The following STAP1 variants were observed in gnomAD, a reference collection of about 807,000 sequenced individuals.
The protein encoded by STAP1 is signal transducing adaptor family member 1, also known as signal-transducing adaptor protein 1.
In STAP1, 30 loss-of-function variants were observed where a neutral mutation model predicts 37.8. That is an observed-to-expected ratio of 0.79 (90% CI 0.59 to 1.08). STAP1 has a LOEUF of 1.08. STAP1 is among the 50% of genes least tolerant of loss of function. The pLI is 0.00. For synonymous variants in STAP1, 130 were observed against 116.0 expected (o/e 1.12, Z -0.78); for missense variants, 357 against 349.4 (o/e 1.02, Z -0.17).
chr4:67,594,955 T>C (rs932463245), intron 8 of STAP1, among the ~76,000 whole-genome samples: 9 of 152,152 alleles, frequency 5.9e-5, no homozygotes, highest in Non-Finnish European at 1.3e-4. Context: ...TGTGCATGTG[T>C]GTGATTGGGA....
intron 1 of STAP1, among the ~76,000 whole-genome samples, chr4:67,564,606 A>G (rs1727424176): frequency 6.6e-6 from 1 of 152,128 alleles, no homozygotes; most frequent in Admixed American, 6.5e-5. Context: ...CAGGAATCAT[A>G]CAATCCTGGA....
At chr4:67,602,449 T>C (rs1039456357) in intron 8 of STAP1, among the ~76,000 whole-genome samples, 1 of 152,190 alleles carries the variant, frequency 6.6e-6, no homozygotes, top group Non-Finnish European at 1.5e-5. Flanking sequence ...TAATCTAGTC[T>C]TCACAGTATG....
chr4:67,604,411 G>A (rs1728407694), intron 8 of STAP1, among the ~76,000 whole-genome samples: 1 of 152,168 alleles, frequency 6.6e-6, no homozygotes, highest in Non-Finnish European at 1.5e-5. Context: ...GTGTTCCTGT[G>A]GTGGTGGGGG....
rs756494060 is a variant in STAP1, at chr4:67,567,108, C to T, written c.121-3976C>T. On this transcript the variant is annotated intron_variant, in intron 1 of 8. Coordinates refer to ENST00000265404, the MANE Select transcript of STAP1 (RefSeq NM_012108.4). ...TATATAAAAAGAAGGAAAGAAAAGACTTTGGATGGGGTTGAAATTAAGATG... is the reference window on the plus strand; with the variant it reads ...TATATAAAAAGAAGGAAAGAAAAGATTTTGGATGGGGTTGAAATTAAGATG... 7.2e-5 allele frequency among the ~76,000 whole-genome samples: 11 copies of T among 152,188 alleles called. 1 individual carries two copies. The highest frequency in any genetic ancestry group is 3.9e-4 in the Admixed American group (6 of 15,300).
intron 1 of STAP1, among the ~76,000 whole-genome samples, chr4:67,568,736 A>G (rs2109856377): frequency 6.6e-6 from 1 of 152,318 alleles, no homozygotes; most frequent in African/African-American, 2.4e-5. Context: ...AATAATATAT[A>G]CTATTTACTG....
chr4:67,587,987 G>A (rs527898795), intron 6 of STAP1, among the ~76,000 whole-genome samples: 1 of 135,392 alleles, frequency 7.4e-6, no homozygotes, highest in East Asian at 2.3e-4. Context: ...GCCTCCCAAA[G>A]TGCTGGGATT....
intron 7 of STAP1, among the ~76,000 whole-genome samples, chr4:67,592,822 T>C (rs891836524): frequency 6.6e-6 from 1 of 152,154 alleles, no homozygotes; most frequent in African/African-American, 2.4e-5. Flanking sequence ...CAGCTGGCAC[T>C]ACAGGTGTAA....
At chr4:67,604,357 GTTC>G (rs1231871464) in intron 8 of STAP1, among the ~76,000 whole-genome samples, 1 of 152,108 alleles carries the variant, frequency 6.6e-6, no homozygotes, top group Non-Finnish European at 1.5e-5. Flanking sequence ...CGGATTTTTG[GTTC>G]TTATTAAGGT....
At chr4:67,563,511 G>C (rs1026016068) in intron 1 of STAP1, among the ~76,000 whole-genome samples, 1 of 152,152 alleles carries the variant, frequency 6.6e-6, no homozygotes, top group Non-Finnish European at 1.5e-5. Flanking sequence ...TTGGAGATCA[G>C]CCTAGGCAAT....
At chr4:67,591,020 C>A in intron 7 of STAP1, 67 bp downstream of exon 7, 1 of 1,245,088 alleles carries the variant, frequency 8.0e-7, no homozygotes, top group African/African-American at 1.5e-5. Flanking sequence ...CTAGTGCTGG[C>A]AAAAAGCAGC....
rs11940845 is a variant in STAP1 at position 67,588,807 on chromosome 4, G to A, written c.660-2077G>A. On this transcript the variant is annotated intron_variant, in intron 6 of 8. Transcript: ENST00000265404. ...GTACTGGCAAACATTTCCTTCAGGC[G>A]CAATAAAAACTTTGAGACAGACAGT... Among the ~76,000 whole-genome samples, 768 of 152,248 alleles carry A rather than the reference G, an allele frequency of 5.0e-3. 7 individuals are homozygous for A. The highest frequency in any genetic ancestry group is 0.018 in the African/African-American group (748 of 41,558).
At chr4:67,577,444 A>C (rs974472142) in intron 4 of STAP1, among the ~76,000 whole-genome samples, 185 bp downstream of exon 4, 1 of 152,178 alleles carries the variant, frequency 6.6e-6, no homozygotes. Context: ...GAAAGTAAAC[A>C]AGTAAACAGA....
chr4:67,592,317 G>T (rs553797499), intron 7 of STAP1, among the ~76,000 whole-genome samples: 205 of 152,058 alleles, frequency 1.3e-3, no homozygotes, highest in African/African-American at 4.6e-3. Flanking sequence ...TCCTCTTCAA[G>T]GTTATCTGGT....
At chr4:67,572,224 C>A (rs2109858833) in intron 2 of STAP1, among the ~76,000 whole-genome samples, 1 of 152,238 alleles carries the variant, frequency 6.6e-6, no homozygotes, top group African/African-American at 2.4e-5. Flanking sequence ...CAGAAGACAT[C>A]TCAAATTGGG....
At chr4:67,561,795 C>T (rs1380573424) in intron 1 of STAP1, among the ~76,000 whole-genome samples, 2 of 151,924 alleles carry the variant, frequency 1.3e-5, no homozygotes, top group East Asian at 3.9e-4. Flanking sequence ...GTGGGTGGGC[C>T]GGGAGCGGTG....
In STAP1 at chr4:67,583,681, T is replaced by C. The variant is rs774911059; in HGVS notation, c.638T>C (p.Ile213Thr). The C allele has an allele frequency of 6.2e-7, 1 of 1,613,248 alleles. No individual in the cohort carries two copies. Among genetic ancestry groups the C allele is most frequent in the Non-Finnish European group, 8.5e-7 (1 of 1,179,762 alleles). ...GGTAGTGACAGTAGAAACTACTCCA[T>C]CACTATTCGGCAGGAGATAGAGTAT... The part of the protein sequence containing the change: ...RPGSDSRNYS[I>T]TIRQEIDIPR... The change falls in exon 6 of 9, where the codon ATC (isoleucine) becomes ACC (threonine). Residue 213 changes from isoleucine (I) to threonine (T), a missense_variant. By Grantham distance (89) the Ile-to-Thr change is moderately conservative. Coordinates refer to ENST00000265404, the MANE Select transcript of STAP1 (RefSeq NM_012108.4).
In STAP1 at chr4:67,592,478, A is replaced by G. The variant is rs113139269; in HGVS notation, c.730-782A>G. 5.3e-3 allele frequency among the ~76,000 whole-genome samples: 805 copies of G among 152,308 alleles called. 10 individuals are homozygous for G. Among genetic ancestry groups the G allele is most frequent in the African/African-American group, 0.018 (759 of 41,560 alleles). The stretch of plus-strand genomic sequence containing the variant: ...TAAAGGTTATTTGCTTTAAAGCATA[A>G]GAAACCAACTACAGCTAACTTAAGA... On this transcript the variant is annotated intron_variant, in intron 7 of 8. Coordinates refer to ENST00000265404, the MANE Select transcript of STAP1 (RefSeq NM_012108.4).
At chr4:67,562,492 G>T (rs553186506) in intron 1 of STAP1, among the ~76,000 whole-genome samples, 6 of 151,892 alleles carry the variant, frequency 4.0e-5, no homozygotes, top group Non-Finnish European at 7.4e-5. Flanking sequence ...TCAGCCGGGC[G>T]TGGTGGCTCA....
intron 4 of STAP1, among the ~76,000 whole-genome samples, chr4:67,579,813 C>T (rs1387277721): frequency 2.6e-5 from 4 of 152,168 alleles, no homozygotes; most frequent in Non-Finnish European, 5.9e-5. Flanking sequence ...TTAACATGAG[C>T]TTTGGTGGGA....
Sources: allele counts gnomAD v4.1 joint callset (sites outside exome capture counted in the v4.1 genomes callset), GRCh38; gene constraint gnomAD v4.1.1; transcripts MANE v1.5; gene names NCBI Gene and HGNC (gene_info 2026-07-23, HGNC 2026-07-21).